CFAP61: variants seen among roughly 807,000 people sequenced by gnomAD.
The protein encoded by CFAP61 is cilia and flagella associated protein 61.
CFAP61 carries 107 observed loss-of-function variants against 135.6 expected under a neutral mutation model. That is an observed-to-expected ratio of 0.79 (90% CI 0.67 to 0.93). The LOEUF (loss-of-function observed/expected upper bound fraction) is 0.93. CFAP61 is among the 40% of genes least tolerant of loss of function. The pLI is 0.00. For missense variants in CFAP61, 1,507 were observed against 1,556.2 expected, an observed-to-expected ratio of 0.97 and a Z score of 0.53; for synonymous variants, 575 against 578.5, an observed-to-expected ratio of 0.99 and a Z score of 0.09.
At chr20:20,105,613 A>C (rs2048327388) in intron 8 of CFAP61, among the ~76,000 whole-genome samples, 1 of 151,902 alleles carries the variant, frequency 6.6e-6, no homozygotes, top group Non-Finnish European at 1.5e-5. Flanking sequence ...ATACTTGTTA[A>C]AATTTGAATT....
chr20:20,281,275 T>A (rs964868800), intron 22 of CFAP61, among the ~76,000 whole-genome samples: 4 of 151,438 alleles, frequency 2.6e-5, no homozygotes, highest in Non-Finnish European at 5.9e-5. Flanking sequence ...GGACCTACAG[T>A]GCAATGTTTA....
intron 17 of CFAP61, among the ~76,000 whole-genome samples, chr20:20,222,342 T>A (rs902096689): frequency 6.6e-6 from 1 of 152,008 alleles, no homozygotes; most frequent in South Asian, 2.1e-4. Context: ...TGAAAGAAAT[T>A]TACTCATTGA....
At chr20:20,067,331 C>G (rs2096775103) in intron 2 of CFAP61, among the ~76,000 whole-genome samples, 2 of 151,948 alleles carry the variant, frequency 1.3e-5, no homozygotes, top group African/African-American at 4.8e-5. Context: ...GCCTGTAATC[C>G]CAGCAGTTTG....
intron 13 of CFAP61, among the ~76,000 whole-genome samples, chr20:20,173,738 A>G (rs762936768): frequency 6.6e-6 from 1 of 152,102 alleles, no homozygotes; most frequent in African/African-American, 2.4e-5. Flanking sequence ...AATGTACTTT[A>G]TACTCCGCAT....
chr20:20,321,605 T>C (rs6136993), intron 25 of CFAP61, among the ~76,000 whole-genome samples: 31,272 of 151,990 alleles, frequency 0.21, 4,356 homozygotes, highest in African/African-American at 0.38. Context: ...TAGGGAGAGA[T>C]CATGCAGTGG....
intron 18 of CFAP61, among the ~76,000 whole-genome samples, chr20:20,228,965 T>TTG (rs2048934457): frequency 6.6e-6 from 1 of 152,208 alleles, no homozygotes; most frequent in South Asian, 2.1e-4. Flanking sequence ...ACTTCATACA[T>TTG]TACAAATACA....
intron 26 of CFAP61, among the ~76,000 whole-genome samples, chr20:20,358,892 A>G (rs987376700): frequency 6.6e-6 from 1 of 152,242 alleles, no homozygotes; most frequent in African/African-American, 2.4e-5. Context: ...GTTGAAATAA[A>G]TGTACCATCA....
At chr20:20,193,806 GT>G (rs2056096406) in intron 15 of CFAP61, among the ~76,000 whole-genome samples, 1 of 152,046 alleles carries the variant, frequency 6.6e-6, no homozygotes, top group Admixed American at 6.6e-5. Flanking sequence ...TAGAGATGGG[GT>G]TTCACCATGT....
chr20:20,328,670 A>G (rs1191080630), intron 25 of CFAP61, among the ~76,000 whole-genome samples: 1 of 152,226 alleles, frequency 6.6e-6, no homozygotes, highest in East Asian at 1.9e-4. Flanking sequence ...TATATAATGA[A>G]GTCATATAAC....
chr20:20,267,195 TA>T (rs200865071), intron 21 of CFAP61, among the ~76,000 whole-genome samples: 1,623 of 151,672 alleles, frequency 0.011, 14 homozygotes, highest in Non-Finnish European at 0.016. Flanking sequence ...AGGGACAGGA[TA>T]AGAAGAGAGA....
chr20:20,328,445 A>T (rs1250674284), intron 25 of CFAP61, among the ~76,000 whole-genome samples: 1 of 152,210 alleles, frequency 6.6e-6, no homozygotes, highest in Non-Finnish European at 1.5e-5. Context: ...AGAAGAAAAC[A>T]AAGAGGAACA....
At chr20:20,335,549 T>G (rs973922242) in intron 25 of CFAP61, among the ~76,000 whole-genome samples, 4 of 152,130 alleles carry the variant, frequency 2.6e-5, no homozygotes, top group Non-Finnish European at 5.9e-5. Flanking sequence ...AGGAGATGAG[T>G]CCTCTTTTTC....
intron 22 of CFAP61, among the ~76,000 whole-genome samples, chr20:20,283,138 G>T (rs1036658535): frequency 6.6e-6 from 1 of 152,120 alleles, no homozygotes; most frequent in Non-Finnish European, 1.5e-5. Flanking sequence ...TGAGAGAAGG[G>T]TATTAAAATC....
At chr20:20,118,227 A>G (rs2049295139) in intron 8 of CFAP61, among the ~76,000 whole-genome samples, 1 of 148,582 alleles carries the variant, frequency 6.7e-6, no homozygotes, top group Non-Finnish European at 1.5e-5. Context: ...AGTTTGTCAT[A>G]TATGGTCTTC....
At position 20,142,909 on chromosome 20, in the gene CFAP61, G is replaced by T; in HGVS notation, c.912G>T (p.Leu304Phe). The change falls in exon 9 of 27, where the codon TTG becomes TTT. Residue 304 changes from leucine to phenylalanine, a missense_variant. Physicochemically the swap from Leu to Phe is conservative, Grantham distance 22 (BLOSUM62 0). Coordinates refer to ENST00000245957, the MANE Select transcript of CFAP61 (RefSeq NM_015585.4). The part of the protein sequence containing the change: ...SQGSQKIVEE[L>F]QEPVSPDTME... ...GTTCCCAAAAAATAGTCGAGGAGTT[G>T]CAGGAACCTGTCTCTCCAGATACCA... 1 of 1,602,298 alleles carries T rather than the reference G, an allele frequency of 6.2e-7. No individual in the cohort carries two copies. The highest frequency in any genetic ancestry group is 8.5e-7 in the Non-Finnish European group (1 of 1,173,630).
At position 20,193,906 on chromosome 20, in the gene CFAP61, C is replaced by G. The variant is rs141167795; in HGVS notation, c.1590+2487C>G. On this transcript the variant is annotated intron_variant, in intron 15 of 26. Coordinates refer to ENST00000245957, the MANE Select transcript of CFAP61 (RefSeq NM_015585.4). ...TGGGATTACAGGCATCAGCCCCCTG[C>G]GCCAGCCTCATTCTAATTATTTCTC... Among the ~76,000 whole-genome samples the G allele has an allele frequency of 4.2e-3, 642 of 152,284 alleles. 10 individuals are homozygous for G. The highest frequency in any genetic ancestry group is 0.015 in the African/African-American group (623 of 41,540).
At chr20:20,288,465 C>T (rs1185349376) in intron 22 of CFAP61, 144 bp from the exon 23 acceptor site, 13 of 661,370 alleles carry the variant, frequency 2.0e-5, no homozygotes, top group African/African-American at 3.6e-5. Flanking sequence ...ATCTCTCATA[C>T]GCACACAAAC....
intron 8 of CFAP61, among the ~76,000 whole-genome samples, chr20:20,113,563 G>A (rs1227313141): frequency 6.6e-6 from 1 of 152,186 alleles, no homozygotes; most frequent in East Asian, 1.9e-4. Flanking sequence ...ATGGGACAAT[G>A]AAGAATGGAT....
rs577002765 is a variant in CFAP61, at chr20:20,074,485, T to C, written c.371+107T>C. 269 of 907,504 alleles carry C rather than the reference T, an allele frequency of 3.0e-4. 1 individual carries two copies. The South Asian group carries it at 3.7e-3, about 12-fold the overall frequency. The allele number at this position is 907,504 out of a possible 1,614,324, so 56.2% of individuals were successfully genotyped here. ...TTCTTTGGGGTGTTTAATTTGCTTGTAATTTGTGGCTATATTAAAATATTT... is the reference window on the plus strand; with the variant it reads ...TTCTTTGGGGTGTTTAATTTGCTTGCAATTTGTGGCTATATTAAAATATTT... On this transcript the variant is annotated intron_variant, in intron 4 of 26. Coordinates refer to ENST00000245957, the MANE Select transcript of CFAP61 (RefSeq NM_015585.4).
Sources: allele counts gnomAD v4.1 joint callset (sites outside exome capture counted in the v4.1 genomes callset), GRCh38; gene constraint gnomAD v4.1.1; transcripts MANE v1.5; gene names NCBI Gene and HGNC (gene_info 2026-07-23, HGNC 2026-07-21).